EPHA6: variants seen among roughly 807,000 people sequenced by gnomAD.
EPHA6 encodes EPH receptor A6.
EPHA6 carries 50 observed loss-of-function variants against 112.0 expected under a neutral mutation model. That is an observed-to-expected ratio of 0.45 (90% CI 0.36 to 0.56). EPHA6 has a LOEUF of 0.56. Among genes scored for constraint, EPHA6 ranks in the 20% least tolerant of loss-of-function variants. The probability of loss-of-function intolerance (pLI) is 0.00; values close to 1 mark genes in which losing one functional copy is unlikely to be tolerated. For synonymous variants in EPHA6, 529 were observed against 490.7 expected (o/e 1.08, Z -1.03); for missense variants, 1,280 against 1,417.4 (o/e 0.90, Z 1.56).
At chr3:97,099,258 A>G (rs950463775) in intron 3 of EPHA6, among the ~76,000 whole-genome samples, 5 of 142,942 alleles carry the variant, frequency 3.5e-5, no homozygotes, top group Admixed American at 1.5e-4. Context: ...TTTGCCAACC[A>G]TAAAATCTAA....
intron 5 of EPHA6, among the ~76,000 whole-genome samples, chr3:97,336,911 C>A (rs1054574155): frequency 6.6e-6 from 1 of 151,074 alleles, no homozygotes; most frequent in Non-Finnish European, 1.5e-5. Flanking sequence ...TGCTTTTCTC[C>A]CTCCCAGATT....
At chr3:96,951,671 TAA>T (rs954976834) in intron 2 of EPHA6, among the ~76,000 whole-genome samples, 1 of 152,136 alleles carries the variant, frequency 6.6e-6, no homozygotes, top group African/African-American at 2.4e-5. Context: ...GAAAATCAGA[TAA>T]ATTTAAGCAA....
chr3:97,360,494 A>G (rs2084320471), intron 5 of EPHA6, among the ~76,000 whole-genome samples: 1 of 152,188 alleles, frequency 6.6e-6, no homozygotes. Flanking sequence ...GTCAATGAAC[A>G]TTGTCAGACA....
intron 3 of EPHA6, among the ~76,000 whole-genome samples, chr3:97,060,923 C>CA (rs71623565): frequency 0.3 from 6,320 of 21,138 alleles, 2,172 homozygotes; most frequent in Non-Finnish European, 0.37. Context: ...GACTCCGTCT[C>CA]AAAAAAAAAA....
chr3:96,833,635 C>T (rs2034225007), intron 1 of EPHA6, among the ~76,000 whole-genome samples: 1 of 151,980 alleles, frequency 6.6e-6, no homozygotes, highest in Non-Finnish European at 1.5e-5. Context: ...TAAAAGAGAT[C>T]TAGCTGAAGA....
At chr3:97,336,606 G>C (rs1266605457) in intron 5 of EPHA6, among the ~76,000 whole-genome samples, 1 of 152,134 alleles carries the variant, frequency 6.6e-6, no homozygotes, top group Non-Finnish European at 1.5e-5. Flanking sequence ...AGAAAGACAA[G>C]TGCAGTCTCT....
At position 97,761,136 on chromosome 3, in the gene EPHA6, C is replaced by T. The variant is rs2107947326; in HGVS notation, c.*12435C>T. On this transcript the variant is annotated 3_prime_UTR_variant, in exon 18 of 18. Coordinates refer to ENST00000389672, the MANE Select transcript of EPHA6 (RefSeq NM_001080448.3). ...GAACTGCAATCCTACCTATTATCTA[C>T]TTTACTATAGCAGTGAAGTAGTCCA... The T allele has an allele frequency of 4.9e-6, 1 of 202,380 alleles. No individual in the cohort carries two copies. The highest frequency in any genetic ancestry group is 6.0e-5 in the Admixed American group (1 of 16,702). 12.5% of individuals were successfully genotyped at this position (202,380 alleles called of 1,614,324 possible). A position where few individuals can be genotyped will look rare whatever the true frequency, so the allele number is the denominator to read the frequency against.
chr3:97,753,502 T>C lies in EPHA6; in HGVS notation c.*4801T>C, dbSNP rs1397794924. On this transcript the variant is annotated 3_prime_UTR_variant, in exon 18 of 18. Transcript: ENST00000389672. ...TACTTCCTGGGTTCTCTAAAACAGT[T>C]TCTCTCATTAACAGTTGATCCTCTT... Among the ~76,000 whole-genome samples, 2 of 152,164 alleles carry C rather than the reference T, an allele frequency of 1.3e-5. No individual in the cohort carries two copies. The highest frequency in any genetic ancestry group is 1.3e-4 in the Admixed American group (2 of 15,278).
rs528712631 is a variant in EPHA6 at position 97,033,565 on chromosome 3, T to C, written c.1114+45572T>C. ...TTACTCATAAAAAGTGGTAGCTGTA[T>C]GATAGTGTTTGGCTGATAAGAGTAT... On this transcript the variant is annotated intron_variant, in intron 3 of 17. Transcript: ENST00000389672. Among the ~76,000 whole-genome samples, 8 of 152,076 alleles carry C rather than the reference T, an allele frequency of 5.3e-5. No homozygotes were observed. In the East Asian group the frequency reaches 1.5e-3, roughly 29 times the overall value.
At chr3:96,872,358 A>G (rs1576198940) in intron 2 of EPHA6, among the ~76,000 whole-genome samples, 1 of 152,112 alleles carries the variant, frequency 6.6e-6, no homozygotes, top group East Asian at 1.9e-4. Flanking sequence ...AAAGGAACAC[A>G]TTGTAGGATA....
chr3:97,252,418 TAC>T (rs922569903), intron 5 of EPHA6, among the ~76,000 whole-genome samples: 8 of 151,560 alleles, frequency 5.3e-5, no homozygotes, highest in African/African-American at 1.2e-4. Flanking sequence ...CTCACACACA[TAC>T]ACACACACAC....
In EPHA6 at chr3:96,994,532, G is replaced by A. The variant is rs899473676; in HGVS notation, c.1114+6539G>A. Among the ~76,000 whole-genome samples, 4 of 151,760 alleles carry A rather than the reference G, an allele frequency of 2.6e-5. No individual in the cohort carries two copies. The South Asian group carries it at 6.2e-4, about 24-fold the overall frequency. On this transcript the variant is annotated intron_variant, in intron 3 of 17. Coordinates refer to ENST00000389672, the MANE Select transcript of EPHA6 (RefSeq NM_001080448.3). Reference sequence around the variant, plus strand: ...TTGGAAACAACATGCAAAATTGAATGCAATTTTTGTTTAGTTATACGAGTT... The same window carrying A: ...TTGGAAACAACATGCAAAATTGAATACAATTTTTGTTTAGTTATACGAGTT...
At chr3:97,702,014 A>G (rs141395736) in intron 14 of EPHA6, among the ~76,000 whole-genome samples, 4 of 151,900 alleles carry the variant, frequency 2.6e-5, no homozygotes, top group Non-Finnish European at 5.9e-5. Flanking sequence ...TGACCCTTAC[A>G]CTCCCATTAA....
chr3:97,072,901 A>G (rs2046403524), intron 3 of EPHA6, among the ~76,000 whole-genome samples: 1 of 152,096 alleles, frequency 6.6e-6, no homozygotes, highest in African/African-American at 2.4e-5. Flanking sequence ...CAGCAATTAA[A>G]TTAAATATGA....
chr3:97,245,551 G>T (rs1559824428), intron 5 of EPHA6, among the ~76,000 whole-genome samples: 1 of 151,966 alleles, frequency 6.6e-6, no homozygotes, highest in Non-Finnish European at 1.5e-5. Flanking sequence ...TGATTTGAAT[G>T]TGTTGTGATA....
At chr3:96,893,072 A>T (rs945374044) in intron 2 of EPHA6, among the ~76,000 whole-genome samples, 4 of 151,828 alleles carry the variant, frequency 2.6e-5, no homozygotes, top group Admixed American at 6.6e-5. Flanking sequence ...CGAGCTGAAA[A>T]ATTCCTCTTG....
intron 5 of EPHA6, among the ~76,000 whole-genome samples, chr3:97,397,040 A>G (rs1406890411): frequency 1.3e-5 from 2 of 151,756 alleles, no homozygotes; most frequent in East Asian, 3.9e-4. Context: ...TATCTATTCA[A>G]CCATCTTTTT....
intron 3 of EPHA6, among the ~76,000 whole-genome samples, chr3:97,019,077 T>G (rs1321075018): frequency 6.6e-6 from 1 of 152,176 alleles, no homozygotes; most frequent in East Asian, 1.9e-4. Context: ...ATTATAGTAT[T>G]GGAGTAAAGA....
intron 3 of EPHA6, among the ~76,000 whole-genome samples, chr3:97,047,250 C>T (rs902655876): frequency 6.6e-6 from 1 of 151,902 alleles, no homozygotes; most frequent in African/African-American, 2.4e-5. Flanking sequence ...CCTGTAATCC[C>T]AGCACTTTGG....
Sources: gnomAD v4.1 joint callset for allele counts (sites outside exome capture counted in the v4.1 genomes callset) on GRCh38, gnomAD v4.1.1 for gene constraint, MANE v1.5 for transcripts, NCBI Gene and HGNC (gene_info 2026-07-23, HGNC 2026-07-21) for gene names.